RAB6B: variants seen among roughly 807,000 people sequenced by gnomAD.
The protein encoded by RAB6B is RAB6B, member RAS oncogene family.
Under a neutral mutation model 31.2 loss-of-function variants are expected in RAB6B, and 7 were observed. The ratio of observed to expected loss-of-function variants is 0.22; its 90% CI spans 0.13 to 0.42. RAB6B has a LOEUF of 0.42. Among genes scored for constraint, RAB6B ranks in the 10% least tolerant of loss-of-function variants. The pLI, the probability that RAB6B is intolerant of heterozygous loss-of-function variation, is 1.00. For synonymous variants in RAB6B, 105 were observed against 104.9 expected (o/e 1.00, Z -0.01); for missense variants, 149 against 280.6 (o/e 0.53, Z 3.35).
Position 133,839,526 on chromosome 3 carries a change from C to T in RAB6B, c.381G>A (p.Lys127=), listed in dbSNP as rs750993937. 7.4e-6 allele frequency: 12 copies of T among 1,614,002 alleles called. No individual in the cohort carries two copies. Among genetic ancestry groups the T allele is most frequent in the Non-Finnish European group, 9.3e-6 (11 of 1,179,948 alleles). ...CCTACCTCTTATCAGCCAGGTCCGT[C>T]TTGTTGCCCACCAGCATGATGATAA... ...SDVIIMLVGN[K]TDLADKRQIT... is the part of the protein sequence containing the mutation. Residue 127 remains lysine, a synonymous_variant, in exon 5 of 8, where the codon AAG becomes AAA. Coordinates refer to ENST00000285208, the MANE Select transcript of RAB6B (RefSeq NM_016577.4).
intron 1 of RAB6B, chr3:133,885,677 G>C: frequency 1.4e-6 from 1 of 701,002 alleles, no homozygotes. Context: ...TGTGGAGATA[G>C]GATGGACAGG....
At chr3:133,869,710 G>A (rs1255489554) in intron 1 of RAB6B, among the ~76,000 whole-genome samples, 3 of 152,190 alleles carry the variant, frequency 2.0e-5, no homozygotes, top group Non-Finnish European at 4.4e-5. Context: ...TCTGCCTGGA[G>A]TGTGCTCACA....
chr3:133,876,807 G>T (rs1433854979), intron 1 of RAB6B, among the ~76,000 whole-genome samples: 2 of 152,146 alleles, frequency 1.3e-5, no homozygotes, highest in African/African-American at 4.8e-5. Context: ...ACAATCAACT[G>T]GATGAACATC....
rs1178066044 is a variant in RAB6B, at chr3:133,825,217, G to T, written c.*3571C>A. 6.6e-6 allele frequency: 1 copy of T among 152,202 alleles called. No individual in the cohort carries two copies. Among genetic ancestry groups the T allele is most frequent in the East Asian group, 1.9e-4 (1 of 5,188 alleles). The allele number at this position is 152,202 out of a possible 1,614,324, so 9.4% of individuals were successfully genotyped here. A position where few individuals can be genotyped will look rare whatever the true frequency, so the allele number is the denominator to read the frequency against. ...GCCTTCCATCTTGTGAAGGAATGAG[G>T]CTGCTCTACCTGCAGGATGCTGAAG... On this transcript the variant is annotated 3_prime_UTR_variant, in exon 8 of 8. Transcript: ENST00000285208.
At chr3:133,866,943 T>A (rs1936246445) in intron 1 of RAB6B, among the ~76,000 whole-genome samples, 1 of 152,180 alleles carries the variant, frequency 6.6e-6, no homozygotes, top group Non-Finnish European at 1.5e-5. Context: ...GGGATCAGGG[T>A]GGGGAGATGG....
intron 7 of RAB6B, 120 bp downstream of exon 7, chr3:133,834,455 G>A (rs1205410183): frequency 2.3e-5 from 26 of 1,106,422 alleles, no homozygotes; most frequent in Admixed American, 8.6e-5. Flanking sequence ...CGTGCCATTC[G>A]CGGCAGACCA....
chr3:133,864,492 A>G, intron 2 of RAB6B, 92 bp downstream of exon 2: 3 of 1,306,008 alleles, frequency 2.3e-6, no homozygotes, highest in Non-Finnish European at 2.2e-6. Context: ...CTGGGAACCC[A>G]GGGCCATTCC....
At chr3:133,839,938 C>G (rs1935796446) in intron 4 of RAB6B, among the ~76,000 whole-genome samples, 1 of 152,132 alleles carries the variant, frequency 6.6e-6, no homozygotes, top group Admixed American at 6.5e-5. Flanking sequence ...AGACCTGACT[C>G]TGGGGATTCA....
At chr3:133,840,639 C>T (rs1042113002) in intron 4 of RAB6B, among the ~76,000 whole-genome samples, 5 of 152,222 alleles carry the variant, frequency 3.3e-5, no homozygotes, top group African/African-American at 1.2e-4. Context: ...AGGGTAACCA[C>T]AGCCCTGAGG....
chr3:133,831,894 C>CA (rs1935660514), intron 7 of RAB6B, among the ~76,000 whole-genome samples: 1 of 152,302 alleles, frequency 6.6e-6, no homozygotes, highest in East Asian at 1.9e-4. Flanking sequence ...TATGCTTCCC[C>CA]AATCCCAGTG....
At position 133,839,627 on chromosome 3, in the gene RAB6B, G is replaced by A; in HGVS notation, c.290-10C>T. 6.3e-7 allele frequency: 1 copy of A among 1,598,438 alleles called. No individual in the cohort carries two copies. ...TGGAAGGAGTTGAGATCTGGAGGCAGAAAGTGAGGATAAACTGAAAGCCAG... is the reference window on the plus strand; with the variant it reads ...TGGAAGGAGTTGAGATCTGGAGGCAAAAAGTGAGGATAAACTGAAAGCCAG... On this transcript the variant is annotated splice_polypyrimidine_tract_variant and intron_variant, in intron 4 of 7. Transcript: ENST00000285208.
chr3:133,877,045 G>A (rs1936407007), intron 1 of RAB6B, among the ~76,000 whole-genome samples: 1 of 152,150 alleles, frequency 6.6e-6, no homozygotes, highest in African/African-American at 2.4e-5. Flanking sequence ...AGGTAATGAT[G>A]ACCCCTGAGA....
intron 2 of RAB6B, among the ~76,000 whole-genome samples, chr3:133,844,404 C>G (rs1935879501): frequency 6.6e-6 from 1 of 152,210 alleles, no homozygotes; most frequent in Non-Finnish European, 1.5e-5. Context: ...TAGCCACACT[C>G]TCCATCTGAC....
At chr3:133,848,115 A>G (rs1478656009) in intron 2 of RAB6B, among the ~76,000 whole-genome samples, 1 of 152,226 alleles carries the variant, frequency 6.6e-6, no homozygotes, top group Non-Finnish European at 1.5e-5. Context: ...GACTAAATAT[A>G]GTATATTCCA....
chr3:133,894,624 C>T (rs1936682090), intron 1 of RAB6B: 1 of 152,270 alleles, frequency 6.6e-6, no homozygotes, highest in Non-Finnish European at 1.5e-5. Flanking sequence ...CACAGCCTCT[C>T]GGTGTGAGGT....
chr3:133,864,571 C>A lies in RAB6B; in HGVS notation c.129+13G>T, dbSNP rs1413554176. On this transcript the variant is annotated intron_variant, in intron 2 of 7. Transcript: ENST00000285208. ...TGCCAGATGATATGGAGGGTGAGCA[C>A]CCAGGACCTCACCTGGTATGTGTTG... is the stretch of plus-strand genomic sequence containing the variant. 6.2e-7 allele frequency: 1 copy of A among 1,613,258 alleles called. No individual in the cohort carries two copies. Among genetic ancestry groups the A allele is most frequent in the Admixed American group, 1.7e-5 (1 of 60,016 alleles).
intron 2 of RAB6B, among the ~76,000 whole-genome samples, chr3:133,848,629 T>C (rs1935936897): frequency 6.6e-6 from 1 of 152,026 alleles, no homozygotes; most frequent in Admixed American, 6.6e-5. Context: ...GAAGGGAAAG[T>C]GAACACACAA....
chr3:133,833,438 G>A (rs935397146), intron 7 of RAB6B, among the ~76,000 whole-genome samples: 12 of 152,018 alleles, frequency 7.9e-5, no homozygotes, highest in South Asian at 2.1e-4. Context: ...TGACCCCCCC[G>A]GGGGGTGGGT....
intron 1 of RAB6B, among the ~76,000 whole-genome samples, chr3:133,878,373 A>G (rs1253874805): frequency 6.6e-6 from 1 of 152,252 alleles, no homozygotes; most frequent in Non-Finnish European, 1.5e-5. Context: ...CAAGAAGGCA[A>G]TGGTGCAATA....
Sources: allele counts gnomAD v4.1 joint callset (sites outside exome capture counted in the v4.1 genomes callset), GRCh38; gene constraint gnomAD v4.1.1; transcripts MANE v1.5; gene names NCBI Gene and HGNC (gene_info 2026-07-23, HGNC 2026-07-21).